The following JAK2 variants were observed in gnomAD, a reference collection of about 807,000 sequenced individuals.
JAK2 encodes Janus kinase 2.
JAK2 carries 86 observed loss-of-function variants against 139.3 expected under a neutral mutation model. The observed-to-expected ratio is 0.62, with a 90% CI of 0.52 to 0.74. The LOEUF is 0.74. Among genes scored for constraint, JAK2 ranks in the 30% least tolerant of loss-of-function variants. The probability of loss-of-function intolerance (pLI) is 0.00; values close to 1 mark genes in which losing one functional copy is unlikely to be tolerated. For synonymous variants in JAK2, 490 were observed against 437.7 expected (o/e 1.12, Z -1.49); for missense variants, 1,421 against 1,360.3 (o/e 1.04, Z -0.70).
intron 2 of JAK2, among the ~76,000 whole-genome samples, chr9:5,019,216 C>T (rs1042973794): frequency 6.6e-6 from 1 of 152,072 alleles, no homozygotes; most frequent in Non-Finnish European, 1.5e-5. Context: ...TTTATGGTAT[C>T]CCATATGTCA....
chr9:5,017,407 A>G (rs1324349524), intron 2 of JAK2, among the ~76,000 whole-genome samples: 2 of 152,224 alleles, frequency 1.3e-5, no homozygotes, highest in Non-Finnish European at 2.9e-5. Flanking sequence ...ACTTCGTTTA[A>G]ATTAACTTTC....
At chr9:5,042,362 C>G (rs1008845759) in intron 4 of JAK2, among the ~76,000 whole-genome samples, 1 of 151,802 alleles carries the variant, frequency 6.6e-6, no homozygotes, top group African/African-American at 2.4e-5. Context: ...TGGTCTCGAT[C>G]TCCTGACCTC....
intron 22 of JAK2, among the ~76,000 whole-genome samples, chr9:5,102,136 A>G (rs968801956): frequency 3.3e-5 from 5 of 152,176 alleles, no homozygotes; most frequent in African/African-American, 7.2e-5. Context: ...GAAGCTAAAA[A>G]CCTTGAAAAA....
At chr9:5,036,486 G>A (rs1477249232) in intron 4 of JAK2, among the ~76,000 whole-genome samples, 8 of 152,266 alleles carry the variant, frequency 5.3e-5, no homozygotes, top group African/African-American at 1.7e-4. Flanking sequence ...ATACTACAAG[G>A]CTACAGTAAC....
At chr9:5,041,322 A>G in intron 4 of JAK2, 1 of 741,956 alleles carries the variant, frequency 1.3e-6, no homozygotes, top group Non-Finnish European at 2.3e-6. Flanking sequence ...CCGTGCAGCC[A>G]GCACAAGAGC....
At chr9:5,062,000 C>T (rs1160973956) in intron 8 of JAK2, among the ~76,000 whole-genome samples, 1 of 152,134 alleles carries the variant, frequency 6.6e-6, no homozygotes, top group Non-Finnish European at 1.5e-5. Flanking sequence ...TTCGGTGGAG[C>T]AGTCAGAACA....
chr9:5,029,963 A>T, intron 4 of JAK2, 57 bp downstream of exon 4: 4 of 1,484,016 alleles, frequency 2.7e-6, no homozygotes, highest in Non-Finnish European at 3.6e-6. Flanking sequence ...GGGAGAAATT[A>T]TCAAATATTT....
At chr9:5,052,438 G>A (rs1195564476) in intron 6 of JAK2, among the ~76,000 whole-genome samples, 1 of 151,896 alleles carries the variant, frequency 6.6e-6, no homozygotes, top group Non-Finnish European at 1.5e-5. Flanking sequence ...TAAAAATAGT[G>A]TAGATATTAA....
In JAK2 at chr9:4,989,006, C is replaced by G. The variant is rs146327644; in HGVS notation, c.-26+2984C>G. Among the ~76,000 whole-genome samples the G allele has an allele frequency of 4.5e-3, 691 of 152,266 alleles. 5 individuals carry two copies. The highest frequency in any genetic ancestry group is 0.016 in the African/African-American group (662 of 41,560). ...CCTAGAATATTGAAAGTCATTTGAA[C>G]TTCTGAGAATTCAGTGTCCCTTCCT... On this transcript the variant is annotated intron_variant, in intron 2 of 24. Transcript: ENST00000381652.
chr9:5,109,929 G>T (rs575267486), intron 22 of JAK2: 1 of 152,084 alleles, frequency 6.6e-6, no homozygotes, highest in African/African-American at 2.4e-5. Context: ...CTTACTAACT[G>T]GCTGACAATA....
At chr9:4,989,449 T>TA (rs535950635) in intron 2 of JAK2, among the ~76,000 whole-genome samples, 4 of 151,394 alleles carry the variant, frequency 2.6e-5, no homozygotes, top group East Asian at 1.9e-4. Context: ...TACCTTAGAT[T>TA]AAAAAAAAAC....
chr9:4,995,332 G>C (rs956334998), intron 2 of JAK2, among the ~76,000 whole-genome samples: 1 of 152,118 alleles, frequency 6.6e-6, no homozygotes, highest in Non-Finnish European at 1.5e-5. Flanking sequence ...TGATTCTGTA[G>C]ATAGTGTGAT....
chr9:5,037,052 A>T (rs1207143440), intron 4 of JAK2, among the ~76,000 whole-genome samples: 4 of 152,254 alleles, frequency 2.6e-5, no homozygotes, highest in Non-Finnish European at 5.9e-5. Flanking sequence ...GGCGAAGGAT[A>T]CGAACAGACA....
At position 5,014,939 on chromosome 9, in the gene JAK2, G is replaced by T. The variant is rs546899903; in HGVS notation, c.-25-7024G>T. Among the ~76,000 whole-genome samples, 34 of 151,296 alleles carry T rather than the reference G, an allele frequency of 2.2e-4. No individual in the cohort carries two copies. In the South Asian group the frequency reaches 6.9e-3, roughly 31 times the overall value. ...TTGATTTTTTATTTTTTTTTTGCGGGGGCGGGGGGAGATTTGTTTAACACA... is the reference window on the plus strand; with the variant it reads ...TTGATTTTTTATTTTTTTTTTGCGGTGGCGGGGGGAGATTTGTTTAACACA... On this transcript the variant is annotated intron_variant, in intron 2 of 24. Transcript: ENST00000381652.
chr9:5,102,014 C>G (rs1196689568), intron 22 of JAK2, among the ~76,000 whole-genome samples: 1 of 152,052 alleles, frequency 6.6e-6, no homozygotes, highest in Non-Finnish European at 1.5e-5. Flanking sequence ...GATTGCAGCT[C>G]CTTGCCAGCT....
intron 2 of JAK2, among the ~76,000 whole-genome samples, chr9:5,009,652 T>C (rs920161997): frequency 1.3e-5 from 2 of 152,178 alleles, no homozygotes; most frequent in Admixed American, 6.6e-5. Flanking sequence ...CCCTGCCCCA[T>C]CCCCATCCTA....
intron 2 of JAK2, among the ~76,000 whole-genome samples, chr9:4,999,762 A>T (rs1386723658): frequency 6.6e-6 from 1 of 152,168 alleles, no homozygotes; most frequent in South Asian, 2.1e-4. Context: ...ATCATTTTTA[A>T]TATCTTTATA....
At position 5,060,282 on chromosome 9, in the gene JAK2, C is replaced by T. The variant is rs542341123; in HGVS notation, c.1056+4494C>T. On this transcript the variant is annotated intron_variant, in intron 8 of 24. Coordinates refer to ENST00000381652, the MANE Select transcript of JAK2 (RefSeq NM_004972.4). The stretch of plus-strand genomic sequence containing the variant: ...CTGCTTAAGGTTGGGTTGGCCAAAG[C>T]AATTTCTTAAGATAACAATGACATT... Among the ~76,000 whole-genome samples, 4 of 152,248 alleles carry T rather than the reference C, an allele frequency of 2.6e-5. No individual in the cohort carries two copies. In the East Asian group the frequency reaches 7.7e-4, roughly 29 times the overall value.
Position 5,089,760 on chromosome 9 carries a change from T to C in JAK2, c.2658T>C (p.His886=), listed in dbSNP as rs1238218116. The change falls in exon 20 of 25, where the codon CAT becomes CAC. Residue 886 remains histidine, a synonymous_variant. Coordinates refer to ENST00000381652, the MANE Select transcript of JAK2 (RefSeq NM_004972.4). ...GEVVAVKKLQ[H]STEEHLRDFE... The stretch of plus-strand genomic sequence containing the variant: ...TGGTCGCTGTAAAAAAGCTTCAGCA[T>C]AGTACTGAAGAGCACCTAAGAGACT... The C allele has an allele frequency of 9.4e-6, 15 of 1,592,102 alleles. No individual in the cohort carries two copies. The highest frequency in any genetic ancestry group is 1.3e-5 in the Non-Finnish European group (15 of 1,168,850).
Sources: allele counts gnomAD v4.1 joint callset (sites outside exome capture counted in the v4.1 genomes callset), GRCh38; gene constraint gnomAD v4.1.1; transcripts MANE v1.5; gene names NCBI Gene and HGNC (gene_info 2026-07-23, HGNC 2026-07-21).